PLCG2: variants seen among roughly 807,000 people sequenced by gnomAD.
PLCG2 encodes 1-phosphatidylinositol 4,5-bisphosphate phosphodiesterase gamma-2.
PLCG2 carries 69 observed loss-of-function variants against 175.6 expected under a neutral mutation model. That is an observed-to-expected ratio of 0.39 (90% CI 0.32 to 0.48). The LOEUF is 0.48. Among genes scored for constraint, PLCG2 ranks in the 20% least tolerant of loss-of-function variants. The probability of loss-of-function intolerance (pLI) is 0.91; values close to 1 mark genes in which losing one functional copy is unlikely to be tolerated. For synonymous variants in PLCG2, 827 were observed against 624.0 expected (o/e 1.33, Z -4.85); for missense variants, 1,798 against 1,650.9 (o/e 1.09, Z -1.54).
chr16:81,914,782 T>C (rs1477036291), intron 19 of PLCG2, among the ~76,000 whole-genome samples: 1 of 152,080 alleles, frequency 6.6e-6, no homozygotes, highest in Non-Finnish European at 1.5e-5. Flanking sequence ...TGGGATGTAG[T>C]TGGTGGTTGG....
intron 2 of PLCG2, among the ~76,000 whole-genome samples, chr16:81,832,663 C>G (rs555071780): frequency 6.6e-6 from 1 of 152,348 alleles, no homozygotes; most frequent in African/African-American, 2.4e-5. Context: ...CTCAGCCTCC[C>G]TTAGTGCTGG....
At chr16:81,941,832 G>A (rs1316155109) in intron 30 of PLCG2, among the ~76,000 whole-genome samples, 1 of 151,788 alleles carries the variant, frequency 6.6e-6, no homozygotes, top group African/African-American at 2.4e-5. Flanking sequence ...TACCACATCT[G>A]GCTAATTTTT....
intron 2 of PLCG2, among the ~76,000 whole-genome samples, chr16:81,820,038 A>G (rs891563059): frequency 4.6e-5 from 7 of 152,218 alleles, no homozygotes; most frequent in African/African-American, 1.2e-4. Context: ...CCAAACTAGG[A>G]TCTGGTTGCT....
In PLCG2 at chr16:81,815,346, A is replaced by G. The variant is rs1043896307; in HGVS notation, c.193+29164A>G. On this transcript the variant is annotated intron_variant, in intron 2 of 32. Coordinates refer to ENST00000564138, the MANE Select transcript of PLCG2 (RefSeq NM_002661.5). ...CAGCAGGTTGGCAGCCACACAACAC[A>G]GTGAGATCCTTCTGTGTAGCTGAGC... 2.0e-5 allele frequency among the ~76,000 whole-genome samples: 3 copies of G among 152,290 alleles called. No individual in the cohort carries two copies. In the East Asian group the frequency reaches 5.8e-4, roughly 29 times the overall value.
rs768495444 is a variant in PLCG2, at chr16:81,931,568, C to T, written c.2653C>T (p.Pro885Ser). 2 of 1,614,110 alleles carry T rather than the reference C, an allele frequency of 1.2e-6. No individual in the cohort carries two copies. Among genetic ancestry groups the T allele is most frequent in the South Asian group, 1.1e-5 (1 of 91,072 alleles). ...ILEPKQQGDP[P>S]VEFATDRVEE... ...GGAGCCCAAGCAGCAGGGCGATCCTCCGGTGGAGTTTGCCACAGACAGGGT... is the reference window on the plus strand; with the variant it reads ...GGAGCCCAAGCAGCAGGGCGATCCTTCGGTGGAGTTTGCCACAGACAGGGT... The change falls in exon 25 of 33, where the codon CCG (proline) becomes TCG (serine). Residue 885 changes from proline to serine, a missense_variant. Transcript: ENST00000564138.
At chr16:81,839,694 C>T (rs1470550193) in intron 2 of PLCG2, among the ~76,000 whole-genome samples, 1 of 152,094 alleles carries the variant, frequency 6.6e-6, no homozygotes, top group Non-Finnish European at 1.5e-5. Flanking sequence ...AAAGGGTGGG[C>T]ACCATTTAAA....
At chr16:81,914,717 G>A (rs928466387) in intron 19 of PLCG2, among the ~76,000 whole-genome samples, 3 of 152,130 alleles carry the variant, frequency 2.0e-5, no homozygotes, top group East Asian at 1.9e-4. Flanking sequence ...GAGAGACATC[G>A]CCTTACTCCA....
Position 81,946,256 on chromosome 16 carries a change from C to T in PLCG2, c.3563C>T (p.Pro1188Leu), listed in dbSNP as rs1354525679. Residue 1188 changes from proline (P) to leucine (L), a missense_variant, in exon 31 of 33, where the codon CCA becomes CTA. Transcript: ENST00000564138. ...ASLLVFCEMR[P>L]VLESEEELYS... ...CTCCTGGTTTTCTGTGAGATGCGGCCAGTCCTGGTGAGTGGAGAAACACCA... is the reference window on the plus strand; with the variant it reads ...CTCCTGGTTTTCTGTGAGATGCGGCTAGTCCTGGTGAGTGGAGAAACACCA... 1.2e-6 allele frequency: 2 copies of T among 1,612,650 alleles called. No homozygotes were observed. The highest frequency in any genetic ancestry group is 1.7e-6 in the Non-Finnish European group (2 of 1,178,794).
At chr16:81,816,502 C>T (rs900619419) in intron 2 of PLCG2, among the ~76,000 whole-genome samples, 99 of 149,560 alleles carry the variant, frequency 6.6e-4, no homozygotes, top group African/African-American at 2.3e-3. Context: ...TTTTGAGACA[C>T]GGTCTCATTC....
At chr16:81,907,859 G>T in intron 16 of PLCG2, 85 bp downstream of exon 16, 1 of 919,164 alleles carries the variant, frequency 1.1e-6, no homozygotes, top group Middle Eastern at 3.2e-4. Context: ...TTCCCATGTG[G>T]CTTCTCTGGC....
intron 2 of PLCG2, among the ~76,000 whole-genome samples, chr16:81,814,772 G>A (rs967699807): frequency 1.3e-5 from 2 of 152,136 alleles, no homozygotes; most frequent in Non-Finnish European, 2.9e-5. Context: ...CTTTTGTCCT[G>A]TCTCACTGTT....
chr16:81,877,957 C>G (rs1204127948), intron 7 of PLCG2, among the ~76,000 whole-genome samples: 1 of 148,444 alleles, frequency 6.7e-6, no homozygotes, highest in Non-Finnish European at 1.5e-5. Flanking sequence ...CTCCAAATCT[C>G]CCTCTTTTTT....
chr16:81,949,473 T>G (rs1022872891), intron 31 of PLCG2, among the ~76,000 whole-genome samples: 1 of 152,110 alleles, frequency 6.6e-6, no homozygotes, highest in African/African-American at 2.4e-5. Context: ...CCAAAGTGGG[T>G]AGAATGTGGA....
chr16:81,782,391 T>C (rs1008582518), intron 1 of PLCG2, among the ~76,000 whole-genome samples: 4 of 152,216 alleles, frequency 2.6e-5, no homozygotes, highest in African/African-American at 4.8e-5. Flanking sequence ...GGCTTTTTTT[T>C]TTCTTTTTTT....
At chr16:81,752,780 C>A (rs553860230) in intron 1 of PLCG2, among the ~76,000 whole-genome samples, 2 of 152,366 alleles carry the variant, frequency 1.3e-5, no homozygotes, top group East Asian at 1.9e-4. Context: ...AGGGCCAGTG[C>A]TGGAAGCTCC....
intron 6 of PLCG2, 85 bp downstream of exon 6, chr16:81,869,383 C>T (rs965981959): frequency 1.4e-5 from 13 of 945,370 alleles, no homozygotes; most frequent in South Asian, 1.2e-4. Context: ...CCTTTGAGTT[C>T]CGTGGAATAG....
intron 13 of PLCG2, 88 bp downstream of exon 13, chr16:81,896,015 C>G (rs1908870173): frequency 2.0e-6 from 3 of 1,487,170 alleles, no homozygotes; most frequent in South Asian, 2.3e-5. Flanking sequence ...CAAACACACA[C>G]AGACACCTCC....
chr16:81,786,100 C>G lies in PLCG2; in HGVS notation c.111C>G (p.Thr37=), dbSNP rs762280295. 1.9e-6 allele frequency: 3 copies of G among 1,614,044 alleles called. No homozygotes were observed. The highest frequency in any genetic ancestry group is 2.7e-5 in the African/African-American group (2 of 74,924). Residue 37 remains threonine (T), a synonymous_variant, in exon 2 of 33, where the codon ACC becomes ACG. Transcript: ENST00000564138. ...VMTVFSFRKS[T]PERRTVQVIM... ...CTGTGTTCAGCTTCCGCAAGTCCAC[C>G]CCCGAGCGGAGAACCGTCCAGGTGA...
At chr16:81,882,047 C>T (rs920189497) in intron 8 of PLCG2, among the ~76,000 whole-genome samples, 2 of 152,176 alleles carry the variant, frequency 1.3e-5, no homozygotes, top group Non-Finnish European at 2.9e-5. Flanking sequence ...AGACAACAGA[C>T]TCCTGGACCC....
Sources: gnomAD v4.1 joint callset for allele counts (sites outside exome capture counted in the v4.1 genomes callset) on GRCh38, gnomAD v4.1.1 for gene constraint, MANE v1.5 for transcripts, NCBI Gene and HGNC (gene_info 2026-07-23, HGNC 2026-07-21) for gene names.